Variants in OTOGL observed in about 807,000 individuals in gnomAD.
The protein encoded by OTOGL is otogelin-like protein.
Under a neutral mutation model 318.5 loss-of-function variants are expected in OTOGL, and 285 were observed. That is an observed-to-expected ratio of 0.89 (90% CI 0.81 to 0.99). OTOGL has a LOEUF of 0.99. Ranked by LOEUF, OTOGL falls within the 50% of genes least tolerant of loss-of-function variation. The pLI is 0.00. For missense variants in OTOGL, 2,899 were observed against 2,845.6 expected, an observed-to-expected ratio of 1.02 and a Z score of -0.43; for synonymous variants, 987 against 936.5, an observed-to-expected ratio of 1.05 and a Z score of -0.99.
At chr12:80,271,545 T>A in intron 23 of OTOGL, 103 bp from the exon 24 acceptor site, 1 of 1,145,092 alleles carries the variant, frequency 8.7e-7, no homozygotes. Flanking sequence ...ATTCTCAAAC[T>A]CAAAATAGGT....
intron 28 of OTOGL, among the ~76,000 whole-genome samples, chr12:80,305,136 T>C (rs964703039): frequency 4.6e-5 from 7 of 152,290 alleles, no homozygotes; most frequent in Admixed American, 1.3e-4. Context: ...ATATCTGCCA[T>C]TCTTCATCCA....
intron 1 of OTOGL, among the ~76,000 whole-genome samples, chr12:80,104,425 A>G (rs17006366): frequency 0.028 from 4,282 of 152,310 alleles, 198 homozygotes; most frequent in African/African-American, 0.098. Flanking sequence ...GACGAATTAA[A>G]TTGCCAAGAG....
At chr12:80,290,678 A>C (rs974862950) in intron 26 of OTOGL, among the ~76,000 whole-genome samples, 1 of 152,164 alleles carries the variant, frequency 6.6e-6, no homozygotes, top group African/African-American at 2.4e-5. Context: ...ATATGGAAAA[A>C]ATATTTGCAC....
chr12:80,361,316 T>G (rs1448900443), intron 52 of OTOGL: 1 of 149,038 alleles, frequency 6.7e-6, no homozygotes, highest in Non-Finnish European at 1.5e-5. Context: ...CAGGACTTTC[T>G]TCTTTTTCAA....
chr12:80,156,694 G>C (rs1207221319), intron 1 of OTOGL, among the ~76,000 whole-genome samples: 1 of 152,142 alleles, frequency 6.6e-6, no homozygotes, highest in Non-Finnish European at 1.5e-5. Context: ...TGCCATTCAT[G>C]TATGAAGTGA....
chr12:80,152,142 A>G (rs1467968336), intron 1 of OTOGL, among the ~76,000 whole-genome samples: 1 of 152,110 alleles, frequency 6.6e-6, no homozygotes, highest in Non-Finnish European at 1.5e-5. Flanking sequence ...CTAGGGCAAG[A>G]AGGAATGGGG....
chr12:80,136,368 C>T (rs1871570859), intron 1 of OTOGL, among the ~76,000 whole-genome samples: 1 of 152,214 alleles, frequency 6.6e-6, no homozygotes, highest in African/African-American at 2.4e-5. Flanking sequence ...CTCCGCTATT[C>T]TGGTCACAGC....
intron 1 of OTOGL, among the ~76,000 whole-genome samples, chr12:80,200,184 G>A (rs996486683): frequency 1.3e-5 from 2 of 152,198 alleles, no homozygotes; most frequent in Non-Finnish European, 2.9e-5. Context: ...CCTAGTAGAA[G>A]TGACAGGTAT....
chr12:80,203,592 T>C (rs925748293), intron 1 of OTOGL, among the ~76,000 whole-genome samples: 4 of 152,130 alleles, frequency 2.6e-5, no homozygotes, highest in South Asian at 4.1e-4. Context: ...TTTCTTTGCA[T>C]AAAGAGCGAG....
At chr12:80,300,797 A>T (rs1885707248) in intron 27 of OTOGL, among the ~76,000 whole-genome samples, 1 of 152,188 alleles carries the variant, frequency 6.6e-6, no homozygotes, top group Non-Finnish European at 1.5e-5. Context: ...GAGGAACACC[A>T]AGCGCACAGG....
At chr12:80,160,988 A>C (rs997398911) in intron 1 of OTOGL, among the ~76,000 whole-genome samples, 4 of 152,058 alleles carry the variant, frequency 2.6e-5, no homozygotes, top group Admixed American at 2.6e-4. Flanking sequence ...GGAATGAAAA[A>C]CCAAACATTG....
At chr12:80,241,635 C>T (rs1316147300) in intron 11 of OTOGL, among the ~76,000 whole-genome samples, 2 of 152,036 alleles carry the variant, frequency 1.3e-5, no homozygotes, top group Admixed American at 1.3e-4. Flanking sequence ...GTCAAGTAGT[C>T]TGAGATAAAA....
In OTOGL at chr12:80,180,608, G is replaced by A. The variant is rs955409261; in HGVS notation, c.-19-28805G>A. On this transcript the variant is annotated intron_variant, in intron 1 of 58. Transcript: ENST00000547103. ...AAGGTGGGTCAGTTTGTGAGAAATCGTGTAAATGGGCTTAAATTTTAAAAT... is the reference window on the plus strand; with the variant it reads ...AAGGTGGGTCAGTTTGTGAGAAATCATGTAAATGGGCTTAAATTTTAAAAT... Among the ~76,000 whole-genome samples the A allele has an allele frequency of 4.6e-5, 7 of 152,262 alleles. No individual in the cohort carries two copies. The South Asian group carries it at 1.0e-3, about 23-fold the overall frequency.
At chr12:80,375,543 C>G (rs1008634025) in intron 57 of OTOGL, among the ~76,000 whole-genome samples, 10 of 152,068 alleles carry the variant, frequency 6.6e-5, no homozygotes, top group African/African-American at 2.2e-4. Flanking sequence ...ATGAGAGGAG[C>G]TGGGTTGCTA....
intron 1 of OTOGL, among the ~76,000 whole-genome samples, chr12:80,163,777 G>C (rs893127219): frequency 4.6e-5 from 7 of 152,142 alleles, no homozygotes; most frequent in Non-Finnish European, 7.4e-5. Context: ...GGCAATGACA[G>C]AGGAGCAAGA....
chr12:80,140,248 C>T (rs189466890), intron 1 of OTOGL, among the ~76,000 whole-genome samples: 18 of 152,232 alleles, frequency 1.2e-4, no homozygotes, highest in South Asian at 2.1e-4. Context: ...AGTTGTTTTT[C>T]GTTTTACCAA....
intron 24 of OTOGL, among the ~76,000 whole-genome samples, chr12:80,272,151 A>G (rs2137591245): frequency 6.6e-6 from 1 of 152,206 alleles, no homozygotes; most frequent in African/African-American, 2.4e-5. Flanking sequence ...AGTTACTGGT[A>G]TTGATGTGAA....
chr12:80,336,781 CTTT>C lies in OTOGL; in HGVS notation c.4744-7_4744-5del. ...TCAAATAATGCATTTAAAAGTATTT[CTTT>C]TTTTTTTTCCAGAATGGAAACTCCT... On this transcript the variant is annotated splice_polypyrimidine_tract_variant and intron_variant, in intron 40 of 58. Coordinates refer to ENST00000547103, the MANE Select transcript of OTOGL (RefSeq NM_001378609.3). 3 of 1,241,342 alleles carry C rather than the reference CTTT, an allele frequency of 2.4e-6. No individual in the cohort carries two copies. The highest frequency in any genetic ancestry group is 2.3e-5 in the Admixed American group (1 of 43,398). The allele number at this position is 1,241,342 out of a possible 1,614,324, so 76.9% of individuals were successfully genotyped here. A position where few individuals can be genotyped will look rare whatever the true frequency, so the allele number is the denominator to read the frequency against.
At chr12:80,154,486 T>C (rs1051677185) in intron 1 of OTOGL, among the ~76,000 whole-genome samples, 1 of 152,148 alleles carries the variant, frequency 6.6e-6, no homozygotes, top group Admixed American at 6.6e-5. Context: ...TTTCTTTGCT[T>C]TACTTCCATG....
Sources: gnomAD v4.1 joint callset for allele counts (sites outside exome capture counted in the v4.1 genomes callset) on GRCh38, gnomAD v4.1.1 for gene constraint, MANE v1.5 for transcripts, NCBI Gene and HGNC (gene_info 2026-07-23, HGNC 2026-07-21) for gene names.